Variants in SHPRH observed in about 807,000 individuals in gnomAD.
SHPRH encodes the protein SNF2 histone linker PHD RING helicase.
Under a neutral mutation model 202.5 loss-of-function variants are expected in SHPRH, and 106 were observed. The ratio of observed to expected loss-of-function variants is 0.52; its 90% CI spans 0.45 to 0.62. SHPRH has a LOEUF of 0.62. Among genes scored for constraint, SHPRH ranks in the 20% least tolerant of loss-of-function variants. The probability of loss-of-function intolerance (pLI) is 0.00; values close to 1 mark genes in which losing one functional copy is unlikely to be tolerated. For missense variants in SHPRH, 1,710 were observed against 2,020.0 expected, an observed-to-expected ratio of 0.85 and a Z score of 2.94; for synonymous variants, 729 against 686.0, an observed-to-expected ratio of 1.06 and a Z score of -0.98.
At chr6:145,894,369 A>C (rs1339904132) in intron 26 of SHPRH, 133 bp from the exon 27 acceptor site, 3 of 525,794 alleles carry the variant, frequency 5.7e-6, no homozygotes, top group Non-Finnish European at 6.4e-6. Context: ...AAACCCTCAA[A>C]TGTAGTACCA....
intron 11 of SHPRH, among the ~76,000 whole-genome samples, chr6:145,937,424 C>T (rs1312401884): frequency 2.6e-5 from 4 of 152,116 alleles, no homozygotes; most frequent in African/African-American, 9.7e-5. Context: ...TTAGGACAAA[C>T]CTAGTCCAAA....
At chr6:145,932,356 G>A (rs1785555155) in intron 14 of SHPRH, among the ~76,000 whole-genome samples, 1 of 152,156 alleles carries the variant, frequency 6.6e-6, no homozygotes. Context: ...CAAAATGACA[G>A]TTTGTAAGAT....
rs528154188 is a variant in SHPRH at position 145,924,982 on chromosome 6, G to A, written c.3295-136C>T. Reference sequence around the variant, plus strand: ...TTAAACATAAAAGTCCAAGTATACTGTAGAGAACATAAAAGTCACGCTAAA... The same window carrying A: ...TTAAACATAAAAGTCCAAGTATACTATAGAGAACATAAAAGTCACGCTAAA... On this transcript the variant is annotated intron_variant, in intron 16 of 29. Transcript: ENST00000275233. 6.2e-5 allele frequency: 33 copies of A among 528,076 alleles called. No individual in the cohort carries two copies. The Admixed American group carries it at 8.0e-4, about 13-fold the overall frequency. The allele number at this position is 528,076 out of a possible 1,614,324, so 32.7% of individuals were successfully genotyped here.
intron 24 of SHPRH, among the ~76,000 whole-genome samples, chr6:145,911,544 T>C (rs969163569): frequency 1.3e-5 from 2 of 152,198 alleles, no homozygotes; most frequent in Non-Finnish European, 2.9e-5. Flanking sequence ...GTAAGAACAA[T>C]AGATTTAGTC....
chr6:145,907,101 T>C (rs973507623), intron 25 of SHPRH: 4 of 152,154 alleles, frequency 2.6e-5, no homozygotes, highest in East Asian at 1.9e-4. Context: ...CTTTTCTGGA[T>C]AGTTCTACTT....
chr6:145,886,918 G>A (rs1436124540), intron 29 of SHPRH, 131 bp from the exon 30 acceptor site: 4 of 837,724 alleles, frequency 4.8e-6, no homozygotes, highest in East Asian at 2.9e-5. Flanking sequence ...AACTCCCAGA[G>A]GAAAGCAAGT....
At chr6:145,870,573 A>G (rs1403504086) in intron 2 of SHPRH, among the ~76,000 whole-genome samples, 2 of 152,150 alleles carry the variant, frequency 1.3e-5, no homozygotes, top group African/African-American at 4.8e-5. Context: ...CAGATTTTCT[A>G]CATACATGAT....
intron 13 of SHPRH, among the ~76,000 whole-genome samples, chr6:145,934,350 C>A (rs1381765841): frequency 6.6e-6 from 1 of 151,716 alleles, no homozygotes; most frequent in South Asian, 2.1e-4. Context: ...TCTGTAATCC[C>A]AGGTACTTGG....
At position 145,954,975 on chromosome 6, in the gene SHPRH, T is replaced by G; in HGVS notation, c.348A>C (p.Leu116=). ...YHFDNSWKAF[L]GELTLQLLPA... The stretch of plus-strand genomic sequence containing the variant: ...GAAGAAGCTGAAGAGTTAATTCTCC[T>G]AGAAATGCTTTCCAGGAATTATCAA... Residue 116 remains leucine, a synonymous_variant, in exon 2 of 30, where the codon CTA becomes CTC. Transcript: ENST00000275233. 1 of 1,613,840 alleles carries G rather than the reference T, an allele frequency of 6.2e-7. No homozygotes were observed. The highest frequency in any genetic ancestry group is 1.1e-5 in the South Asian group (1 of 91,080).
intron 14 of SHPRH, among the ~76,000 whole-genome samples, chr6:145,932,378 T>C (rs1307651185): frequency 3.9e-5 from 6 of 152,296 alleles, no homozygotes; most frequent in Non-Finnish European, 1.5e-5. Context: ...TTAGACCTAA[T>C]GCAAAAAAAG....
At chr6:145,952,026 A>C (rs987312895) in intron 3 of SHPRH, 1 of 396,106 alleles carries the variant, frequency 2.5e-6, no homozygotes, top group African/African-American at 2.1e-5. Context: ...GCCAGCCAAG[A>C]ATTTCTGGCC....
intron 28 of SHPRH, among the ~76,000 whole-genome samples, chr6:145,888,453 C>G (rs902982866): frequency 6.6e-6 from 1 of 151,942 alleles, no homozygotes. Context: ...ACACAGTCCC[C>G]GGGAAGGGAA....
At chr6:145,950,987 A>T (rs1278079389) in intron 3 of SHPRH, among the ~76,000 whole-genome samples, 2 of 152,146 alleles carry the variant, frequency 1.3e-5, no homozygotes, top group Non-Finnish European at 2.9e-5. Context: ...CAAAATCCAT[A>T]TGGAGACATA....
chr6:145,922,573 C>T (rs964303290), intron 19 of SHPRH, 90 bp downstream of exon 19: 3 of 1,446,670 alleles, frequency 2.1e-6, no homozygotes, highest in South Asian at 2.9e-5. Flanking sequence ...ATGAAAAAAC[C>T]TTTACTATAT....
At chr6:145,913,915 T>C (rs1364228335) in intron 23 of SHPRH, among the ~76,000 whole-genome samples, 1 of 152,174 alleles carries the variant, frequency 6.6e-6, no homozygotes, top group African/African-American at 2.4e-5. Context: ...ATTAGGCATT[T>C]AAACAAATTG....
intron 15 of SHPRH, among the ~76,000 whole-genome samples, chr6:145,926,599 T>C (rs1784901212): frequency 6.6e-6 from 1 of 151,954 alleles, no homozygotes; most frequent in South Asian, 2.1e-4. Flanking sequence ...CTTGTGAACA[T>C]GTTAGTCAGT....
At chr6:145,934,194 G>A (rs6910790) in intron 13 of SHPRH, among the ~76,000 whole-genome samples, 95,505 of 151,722 alleles carry the variant, frequency 0.63, 30,582 homozygotes, top group African/African-American at 0.73. Context: ...AAAACAGGCC[G>A]GGCGTGGTGG....
At chr6:145,914,330 A>G (rs1458271281) in intron 23 of SHPRH, among the ~76,000 whole-genome samples, 1 of 152,120 alleles carries the variant, frequency 6.6e-6, no homozygotes, top group Non-Finnish European at 1.5e-5. Context: ...CAAGAATGGG[A>G]GGGTCATTGC....
In SHPRH at chr6:145,943,369, C is replaced by T. The variant is rs765909278; in HGVS notation, c.2012G>A (p.Arg671His). The T allele has an allele frequency of 9.9e-6, 16 of 1,613,832 alleles. No individual in the cohort carries two copies. Among genetic ancestry groups the T allele is most frequent in the South Asian group, 3.3e-5 (3 of 91,086 alleles). Residue 671 changes from arginine (R) to histidine (H), a missense_variant, in exon 9 of 30, where the codon CGT becomes CAT. Physicochemically the swap from Arg to His is conservative, Grantham distance 29. This residue lies in a region of SHPRH where 348 missense variants were observed against 356.9 expected (regional missense o/e 0.97). Coordinates refer to ENST00000275233, the MANE Select transcript of SHPRH (RefSeq NM_001042683.3). ...CTTCAGGCATTGAACACGAGGCTTA[C>T]GATCTATCTGATCAAGTTCACCACA... ...CICGELDQID[R>H]KPRVQCLKCH...
Sources: gnomAD v4.1 joint callset for allele counts (sites outside exome capture counted in the v4.1 genomes callset) on GRCh38, gnomAD v4.1.1 for gene constraint, gnomAD v4.1.1 regional missense constraint, MANE v1.5 for transcripts, NCBI Gene and HGNC (gene_info 2026-07-23, HGNC 2026-07-21) for gene names.